PTK2: variants seen among roughly 807,000 people sequenced by gnomAD.
PTK2 encodes the protein focal adhesion kinase 1.
In PTK2, 45 loss-of-function variants were observed where a neutral mutation model predicts 150.1. That is an observed-to-expected ratio of 0.30 (90% CI 0.24 to 0.38). PTK2 has a LOEUF of 0.38. Among genes scored for constraint, PTK2 ranks in the 10% least tolerant of loss-of-function variants. The pLI, the probability that PTK2 is intolerant of heterozygous loss-of-function variation, is 1.00. For synonymous variants in PTK2, 432 were observed against 449.2 expected (o/e 0.96, Z 0.48); for missense variants, 919 against 1,307.3 (o/e 0.70, Z 4.58).
intron 30 of PTK2, among the ~76,000 whole-genome samples, 159 bp downstream of exon 34, chr8:140,668,110 C>T (rs931598446): frequency 6.6e-6 from 1 of 152,158 alleles, no homozygotes; most frequent in Non-Finnish European, 1.5e-5. Context: ...CTGCAGTTCT[C>T]ACTAACATTG....
At chr8:140,684,558 C>T (rs925073173) in intron 27 of PTK2, among the ~76,000 whole-genome samples, 8 of 152,234 alleles carry the variant, frequency 5.3e-5, no homozygotes, top group Admixed American at 4.6e-4. Flanking sequence ...TAGCATTTCT[C>T]TACACCAACA....
intron 16 of PTK2, among the ~76,000 whole-genome samples, chr8:140,754,896 G>GT (rs2100064776): frequency 6.6e-6 from 1 of 152,108 alleles, no homozygotes; most frequent in African/African-American, 2.4e-5. Flanking sequence ...TGTGCAAAGG[G>GT]TTTTTTCTAA....
intron 2 of PTK2, among the ~76,000 whole-genome samples, chr8:140,912,900 C>T (rs1260150201): frequency 2.0e-5 from 3 of 151,920 alleles, no homozygotes; most frequent in South Asian, 2.1e-4. Flanking sequence ...GAGCCGAGAT[C>T]GTGCCACTGC....
At chr8:140,803,422 A>G (rs1385650949) in intron 11 of PTK2, 121 bp downstream of exon 11, 6 of 756,486 alleles carry the variant, frequency 7.9e-6, no homozygotes, top group Middle Eastern at 3.0e-4. Flanking sequence ...CTTTCTATAT[A>G]TAAGAAAGTT....
At chr8:140,761,083 G>T in intron 16 of PTK2, 82 bp downstream of exon 19, 1 of 872,048 alleles carries the variant, frequency 1.1e-6, no homozygotes, top group Admixed American at 2.0e-5. Context: ...GAAGAACTAA[G>T]GACTCATGAA....
chr8:140,976,883 T>C (rs1441700940), intron 1 of PTK2, among the ~76,000 whole-genome samples: 5 of 152,242 alleles, frequency 3.3e-5, no homozygotes, highest in African/African-American at 1.2e-4. Context: ...TATAGGTCTA[T>C]TTAAGACAAC....
chr8:140,993,303 G>A (rs1261800603), intron 1 of PTK2, among the ~76,000 whole-genome samples: 3 of 152,120 alleles, frequency 2.0e-5, no homozygotes, highest in Admixed American at 6.6e-5. Flanking sequence ...ATGCGCCACC[G>A]TGCCTGGCCC....
At chr8:140,777,862 CCTGA>C (rs1039669695) in intron 14 of PTK2, among the ~76,000 whole-genome samples, 1 of 152,176 alleles carries the variant, frequency 6.6e-6, no homozygotes, top group South Asian at 2.1e-4. Context: ...AGTCAGGAAG[CCTGA>C]CTATGTGTGG....
intron 2 of PTK2, among the ~76,000 whole-genome samples, chr8:140,924,417 A>C (rs2100168688): frequency 6.6e-6 from 1 of 152,162 alleles, no homozygotes; most frequent in Admixed American, 6.5e-5. Flanking sequence ...ACTACAATGC[A>C]AGCTCCGTGA....
At chr8:140,714,949 A>G (rs1397870843) in intron 23 of PTK2, among the ~76,000 whole-genome samples, 2 of 151,798 alleles carry the variant, frequency 1.3e-5, no homozygotes, top group Non-Finnish European at 2.9e-5. Context: ...CTTGGAAATC[A>G]CAGACTCATT....
intron 11 of PTK2, among the ~76,000 whole-genome samples, chr8:140,802,528 G>A (rs1047008301): frequency 1.6e-4 from 25 of 152,098 alleles, no homozygotes; most frequent in Non-Finnish European, 2.8e-4. Flanking sequence ...ATAAATTTAA[G>A]TATATGGTGT....
intron 1 of PTK2, among the ~76,000 whole-genome samples, chr8:140,982,841 T>C (rs2100191958): frequency 6.6e-6 from 1 of 152,226 alleles, no homozygotes; most frequent in African/African-American, 2.4e-5. Flanking sequence ...ACTTATTAAA[T>C]AATAACCATG....
At chr8:140,856,505 G>T (rs925889465) in intron 5 of PTK2, among the ~76,000 whole-genome samples, 3 of 152,066 alleles carry the variant, frequency 2.0e-5, no homozygotes, top group South Asian at 2.1e-4. Context: ...AAAAACATGA[G>T]AAAAGAAACT....
chr8:140,841,003 A>G (rs926019773), intron 7 of PTK2, among the ~76,000 whole-genome samples: 9 of 152,326 alleles, frequency 5.9e-5, no homozygotes, highest in African/African-American at 2.2e-4. Flanking sequence ...TCACTACATA[A>G]TGATGCAAAA....
At chr8:140,715,578 T>G (rs896546903) in intron 23 of PTK2, among the ~76,000 whole-genome samples, 2 of 152,106 alleles carry the variant, frequency 1.3e-5, no homozygotes, top group African/African-American at 4.8e-5. Context: ...AACTGCTCAT[T>G]TATGCCTGTG....
rs565405044 is a variant in PTK2 at position 140,991,443 on chromosome 8, ATAAT to A, written c.-122+9678_-122+9681del. ...TTCAAATTCCAAACCAAGATTAAAA[ATAAT>A]TAATCAGTATTAGCATAAAACATTC... On this transcript the variant is annotated intron_variant, in intron 1 of 31. Transcript: ENST00000522684. Among the ~76,000 whole-genome samples the A allele has an allele frequency of 8.5e-5, 13 of 152,366 alleles. No homozygotes were observed. The South Asian group carries it at 2.3e-3, about 27-fold the overall frequency.
At chr8:140,828,168 C>CAAA (rs201599904) in intron 8 of PTK2, among the ~76,000 whole-genome samples, 2 of 65,394 alleles carry the variant, frequency 3.1e-5, no homozygotes, top group Non-Finnish European at 7.3e-5. Context: ...TCTGTCTCAA[C>CAAA]AAAAAAAAAA....
chr8:140,675,606 T>C, intron 27 of PTK2, 107 bp from the exon 31 acceptor site: 1 of 830,336 alleles, frequency 1.2e-6, no homozygotes, highest in Non-Finnish European at 2.0e-6. Context: ...GGCTAGATTC[T>C]AGTGTATCAA....
At chr8:140,984,856 T>C (rs1049185727) in intron 1 of PTK2, among the ~76,000 whole-genome samples, 2 of 151,932 alleles carry the variant, frequency 1.3e-5, no homozygotes, top group African/African-American at 4.8e-5. Context: ...ATGACTCCAC[T>C]CAACATCCCC....
Sources: gnomAD v4.1 joint callset for allele counts (sites outside exome capture counted in the v4.1 genomes callset) on GRCh38, gnomAD v4.1.1 for gene constraint, MANE v1.5 for transcripts, NCBI Gene and HGNC (gene_info 2026-07-23, HGNC 2026-07-21) for gene names.